Variants in ATP11C observed in about 807,000 individuals in gnomAD.
The protein encoded by ATP11C is ATPase phospholipid transporting 11C (ATP11C blood group).
Under a neutral mutation model 97.4 loss-of-function variants are expected in ATP11C, and 36 were observed. That is an observed-to-expected ratio of 0.37 (90% CI 0.28 to 0.49). ATP11C has a LOEUF of 0.49. ATP11C is among the 20% of genes least tolerant of loss of function. ATP11C has a pLI of 0.98. For synonymous variants in ATP11C, 275 were observed against 290.9 expected, an observed-to-expected ratio of 0.95 and a Z score of 0.56; for missense variants, 730 against 824.6, an observed-to-expected ratio of 0.89 and a Z score of 1.40.
At chrX:139,790,290 G>C (rs897045863) in intron 12 of ATP11C, among the ~76,000 whole-genome samples, 6 of 111,083 alleles carry the variant, frequency 5.4e-5, no homozygotes, top group African/African-American at 2.0e-4. Flanking sequence ...ATGTTGCCCA[G>C]GCTGGTCCCA....
intron 26 of ATP11C, among the ~76,000 whole-genome samples, chrX:139,742,680 G>A (rs1258870452): frequency 9.1e-6 from 1 of 109,396 alleles, no homozygotes; most frequent in Admixed American, 9.8e-5. Context: ...GGCCTCAAGG[G>A]TAGCATTCAG....
chrX:139,888,061 C>G (rs1199433403), intron 1 of ATP11C, among the ~76,000 whole-genome samples: 1 of 109,408 alleles, frequency 9.1e-6, no homozygotes, highest in Admixed American at 9.8e-5. Flanking sequence ...CTGGGAAAAA[C>G]ATTTGCAAAA....
At position 139,878,440 on chromosome X, in the gene ATP11C, T is replaced by C. The variant is rs186073723; in HGVS notation, c.28-51617A>G. 6.1e-3 allele frequency among the ~76,000 whole-genome samples: 687 copies of C among 112,276 alleles called. 2 individuals carry two copies. Among genetic ancestry groups the C allele is most frequent in the Non-Finnish European group, 0.011 (573 of 53,303 alleles). On this transcript the variant is annotated intron_variant, in intron 1 of 29. Transcript: ENST00000682941. Reference sequence around the variant, plus strand: ...GGACAGAAAATAAAATTAATATGTTTTTAACTTTGTGTGAAAATCAAAACA... The same window carrying C: ...GGACAGAAAATAAAATTAATATGTTCTTAACTTTGTGTGAAAATCAAAACA...
intron 1 of ATP11C, among the ~76,000 whole-genome samples, chrX:139,896,546 TACACACACACACACACACACACACAC>T (rs61153084): frequency 5.0e-5 from 4 of 79,810 alleles, no homozygotes; most frequent in Middle Eastern, 6.3e-3. Flanking sequence ...GTTAATTTTA[TACACACACACACACACACACACACAC>T]ACACACACAC....
intron 1 of ATP11C, among the ~76,000 whole-genome samples, chrX:139,844,959 G>A (rs1045253506): frequency 8.9e-6 from 1 of 111,946 alleles, no homozygotes; most frequent in African/African-American, 3.2e-5. Flanking sequence ...TGTTCAAAAC[G>A]ATAAAATGAG....
At chrX:139,818,304 C>A (rs747435615) in intron 3 of ATP11C, among the ~76,000 whole-genome samples, 5 of 111,926 alleles carry the variant, frequency 4.5e-5, no homozygotes, top group Non-Finnish European at 9.4e-5. Flanking sequence ...AGCATAAATT[C>A]TTTAAGAGTA....
intron 6 of ATP11C, among the ~76,000 whole-genome samples, chrX:139,804,244 G>A (rs960135641): frequency 9.0e-6 from 1 of 111,294 alleles, no homozygotes; most frequent in East Asian, 2.8e-4. Flanking sequence ...AATTGTGGTA[G>A]CTTTTACTTG....
At position 139,762,054 on chromosome X, in the gene ATP11C, A is replaced by G; in HGVS notation, c.2547T>C (p.Val849=). 8.3e-7 allele frequency: 1 copy of G among 1,208,545 alleles called. No individual in the cohort carries two copies. The highest frequency in any genetic ancestry group is 1.8e-5 in the South Asian group (1 of 56,588). Residue 849 remains valine, a synonymous_variant, in exon 22 of 30, where the codon GTT becomes GTC. Transcript: ENST00000682941. ...GTTTCTTTAAGTGTTTAAACTTTGG[A>G]ACAGAATAATCGCTATTCCTAGCTG... ...RQAARNSDYS[V]PKFKHLKKLL...
chrX:139,884,473 G>A (rs2084608655), intron 1 of ATP11C, among the ~76,000 whole-genome samples: 1 of 111,738 alleles, frequency 8.9e-6, no homozygotes, highest in African/African-American at 3.3e-5. Context: ...CAGTAGGCAA[G>A]TCCAGAGCAT....
At chrX:139,835,171 C>T (rs1440216519) in intron 1 of ATP11C, among the ~76,000 whole-genome samples, 1 of 111,740 alleles carries the variant, frequency 8.9e-6, no homozygotes, top group Admixed American at 9.5e-5. Context: ...CAATTTCTAT[C>T]CATGTATGCC....
chrX:139,803,622 T>C, intron 6 of ATP11C, among the ~76,000 whole-genome samples: 2 of 109,075 alleles, frequency 1.8e-5, no homozygotes, highest in Admixed American at 2.0e-4. Context: ...ATTTGTTATA[T>C]GTACATAAAA....
At chrX:139,735,751 T>G (rs1837477698) in intron 28 of ATP11C, among the ~76,000 whole-genome samples, 1 of 110,168 alleles carries the variant, frequency 9.1e-6, no homozygotes, top group South Asian at 3.9e-4. Flanking sequence ...TTGCACTACT[T>G]TGCTCTTGCA....
chrX:139,801,526 T>TAA (rs1021339102), intron 7 of ATP11C, among the ~76,000 whole-genome samples: 2 of 112,038 alleles, frequency 1.8e-5, no homozygotes, highest in African/African-American at 6.5e-5. Context: ...CAGCATGCAT[T>TAA]AACAAGATGG....
At chrX:139,868,120 C>T (rs922632196) in intron 1 of ATP11C, among the ~76,000 whole-genome samples, 1 of 111,615 alleles carries the variant, frequency 9.0e-6, no homozygotes, top group African/African-American at 3.3e-5. Flanking sequence ...GAAACTGGAC[C>T]TTTATCTTAC....
intron 1 of ATP11C, among the ~76,000 whole-genome samples, chrX:139,893,778 T>C (rs920131181): frequency 9.0e-6 from 1 of 110,742 alleles, no homozygotes; most frequent in Non-Finnish European, 1.9e-5. Flanking sequence ...ACTAGTGGCA[T>C]AGCCAGCAAA....
upstream of ATP11C, among the ~76,000 whole-genome samples, chrX:139,933,577 T>A (rs1487917380): frequency 8.9e-6 from 1 of 112,331 alleles, no homozygotes; most frequent in Admixed American, 9.4e-5. Flanking sequence ...CCAAGGCTGT[T>A]GGAGAAGAAC....
chrX:139,823,201 C>T (rs941713254), intron 2 of ATP11C, among the ~76,000 whole-genome samples: 1 of 110,674 alleles, frequency 9.0e-6, no homozygotes, highest in Admixed American at 9.6e-5. Context: ...GACAGAGACT[C>T]TTGTCTCAAA....
intron 5 of ATP11C, among the ~76,000 whole-genome samples, chrX:139,810,768 T>A (rs1269828182): frequency 1.8e-5 from 2 of 111,110 alleles, no homozygotes. Context: ...TCTGCCCCAA[T>A]CCATATGTTT....
chrX:139,871,083 AAG>A (rs2084368435), intron 1 of ATP11C, among the ~76,000 whole-genome samples: 1 of 108,410 alleles, frequency 9.2e-6, no homozygotes, highest in Non-Finnish European at 1.9e-5. Flanking sequence ...AAAAAAAAAA[AAG>A]ATACACGCAC....
Sources: gnomAD v4.1 joint callset for allele counts (sites outside exome capture counted in the v4.1 genomes callset) on GRCh38, gnomAD v4.1.1 for gene constraint, MANE v1.5 for transcripts, NCBI Gene and HGNC (gene_info 2026-07-23, HGNC 2026-07-21) for gene names.